Variants in PSMG2 observed in about 807,000 individuals in gnomAD.
The protein encoded by PSMG2 is CD40 ligand-activated specific transcript 3.
Under a neutral mutation model 31.5 loss-of-function variants are expected in PSMG2, and 21 were observed. That is an observed-to-expected ratio of 0.67 (90% CI 0.47 to 0.96). The LOEUF is 0.96. Among genes scored for constraint, PSMG2 ranks in the 40% least tolerant of loss-of-function variants. The probability of loss-of-function intolerance (pLI) is 0.00; values close to 1 mark genes in which losing one functional copy is unlikely to be tolerated. For missense variants in PSMG2, 318 were observed against 321.2 expected, an observed-to-expected ratio of 0.99 and a Z score of 0.08; for synonymous variants, 120 against 110.4, an observed-to-expected ratio of 1.09 and a Z score of -0.54.
intron 1 of PSMG2, among the ~76,000 whole-genome samples, chr18:12,706,081 C>T (rs191239195): frequency 9.2e-5 from 14 of 152,276 alleles, no homozygotes; most frequent in Admixed American, 4.6e-4. Flanking sequence ...GTGGAGGAGG[C>T]CCCAGCAGTT....
rs1289805505 is a variant in PSMG2 at position 12,686,562 on chromosome 18, C to T, written c.-36-19988C>T. 3 of 770,550 alleles carry T rather than the reference C, an allele frequency of 3.9e-6. No individual in the cohort carries two copies. The East Asian group carries it at 7.9e-5, about 20-fold the overall frequency. The allele number at this position is 770,550 out of a possible 1,614,324, so 47.7% of individuals were successfully genotyped here. A position where few individuals can be genotyped will look rare whatever the true frequency, so the allele number is the denominator to read the frequency against. On this transcript the variant is annotated intron_variant, in intron 1 of 6. Coordinates refer to the PSMG2 transcript ENST00000585331. ...AATTCAGCATACCATTGATCGAGTG[C>T]TTACCTTGTATCCAGTATTTGGCTG...
chr18:12,703,009 G>A (rs185483903), upstream of PSMG2: 10 of 1,386,874 alleles, frequency 7.2e-6, no homozygotes, highest in Admixed American at 4.5e-5. Context: ...GGACCCTCCC[G>A]CGCCCCGCGA....
At chr18:12,710,338 A>ATAGG (rs2040316923) in intron 2 of PSMG2, among the ~76,000 whole-genome samples, 1 of 152,184 alleles carries the variant, frequency 6.6e-6, no homozygotes, top group South Asian at 2.1e-4. Context: ...TGTTGCTGTG[A>ATAGG]TAGGGGCACT....
intron 5 of PSMG2, among the ~76,000 whole-genome samples, chr18:12,723,199 CTG>C (rs1025313450): frequency 9.9e-5 from 15 of 152,274 alleles, no homozygotes; most frequent in Admixed American, 8.5e-4. Flanking sequence ...GCTCTCTTCT[CTG>C]TCAGTCTCGT....
chr18:12,672,800 T>C, intron 1 of PSMG2: 1 of 983,204 alleles, frequency 1.0e-6, no homozygotes, highest in Non-Finnish European at 1.2e-6. Flanking sequence ...TATTAGTTTT[T>C]TCCTACTCTT....
intron 1 of PSMG2, among the ~76,000 whole-genome samples, chr18:12,664,819 C>A (rs980916902): frequency 1.3e-5 from 2 of 151,724 alleles, no homozygotes; most frequent in South Asian, 4.2e-4. Flanking sequence ...CTGCCTCAGC[C>A]TCCTGAGTAG....
At chr18:12,666,868 A>G (rs1242993312) in intron 1 of PSMG2, among the ~76,000 whole-genome samples, 5 of 152,306 alleles carry the variant, frequency 3.3e-5, no homozygotes, top group African/African-American at 1.2e-4. Context: ...ATTCCAATTT[A>G]ACATCTTTAA....
chr18:12,720,415 G>C (rs537826483), intron 4 of PSMG2, 95 bp from the exon 5 acceptor site: 1 of 1,021,296 alleles, frequency 9.8e-7, no homozygotes, highest in South Asian at 2.2e-5. Flanking sequence ...TGTTTTGCCT[G>C]TGCAGCAGAA....
At chr18:12,678,179 G>A in intron 1 of PSMG2, 1 of 1,614,186 alleles carries the variant, frequency 6.2e-7, no homozygotes, top group Non-Finnish European at 8.5e-7. Context: ...CGCGTCAATT[G>A]TGGATGCACA....
At chr18:12,688,873 G>A (rs941807182) in intron 1 of PSMG2, among the ~76,000 whole-genome samples, 3 of 152,158 alleles carry the variant, frequency 2.0e-5, no homozygotes, top group African/African-American at 7.2e-5. Flanking sequence ...CCAGCACTTT[G>A]GGAGGCCGAG....
At chr18:12,724,385 G>C (rs1473076896) in intron 5 of PSMG2, 114 bp from the exon 6 acceptor site, 2 of 1,057,794 alleles carry the variant, frequency 1.9e-6, no homozygotes, top group Non-Finnish European at 2.6e-6. Flanking sequence ...TTATGGTGTG[G>C]CGTCTTTTCC....
At chr18:12,671,043 G>A (rs1375167007) in intron 1 of PSMG2, 1 of 151,492 alleles carries the variant, frequency 6.6e-6, no homozygotes, top group Non-Finnish European at 1.5e-5. Flanking sequence ...TGTAGAAGAG[G>A]GATCATAATA....
intron 4 of PSMG2, among the ~76,000 whole-genome samples, chr18:12,719,662 C>T (rs1185790822): frequency 6.7e-6 from 1 of 149,552 alleles, no homozygotes; most frequent in Non-Finnish European, 1.5e-5. Flanking sequence ...GCTGGGATTA[C>T]AGGCATGAGT....
intron 1 of PSMG2, among the ~76,000 whole-genome samples, chr18:12,690,494 T>C (rs1432911735): frequency 1.3e-5 from 2 of 151,952 alleles, no homozygotes; most frequent in African/African-American, 4.8e-5. Flanking sequence ...CTTGCTGTGT[T>C]GCCCAGGCCG....
At chr18:12,714,695 A>G (rs1273432829) in intron 3 of PSMG2, among the ~76,000 whole-genome samples, 2 of 150,938 alleles carry the variant, frequency 1.3e-5, no homozygotes, top group Non-Finnish European at 2.9e-5. Context: ...GGGTTTCGCC[A>G]TGTTGCCCAG....
At chr18:12,719,249 T>C (rs1044237519) in intron 4 of PSMG2, among the ~76,000 whole-genome samples, 1 of 152,066 alleles carries the variant, frequency 6.6e-6, no homozygotes, top group Non-Finnish European at 1.5e-5. Flanking sequence ...TCCACTTGCC[T>C]AAAGGGTAGC....
intron 1 of PSMG2, among the ~76,000 whole-genome samples, chr18:12,669,981 G>A (rs1312393754): frequency 2.2e-4 from 25 of 113,662 alleles, no homozygotes; most frequent in African/African-American, 6.1e-4. Context: ...TGGGCAACAA[G>A]AGCCAAACTG....
Position 12,703,226 on chromosome 18 carries a change from G to A in PSMG2, c.57+62G>A, listed in dbSNP as rs970154876. ...GAGGCCCCTGCGGTGTCGCCACCCC[G>A]ACGCGGGGTGTTTGGCGGTGCCTTG... On this transcript the variant is annotated intron_variant, in intron 1 of 6. Transcript: ENST00000317615. 9.9e-6 allele frequency: 15 copies of A among 1,516,998 alleles called. No individual in the cohort carries two copies. In the African/African-American group the frequency reaches 2.1e-4, roughly 21 times the overall value. The allele number at this position is 1,516,998 out of a possible 1,614,324, so 94.0% of individuals were successfully genotyped here.
At chr18:12,690,379 G>C (rs1015485717) in intron 1 of PSMG2, among the ~76,000 whole-genome samples, 4 of 152,032 alleles carry the variant, frequency 2.6e-5, no homozygotes, top group African/African-American at 4.8e-5. Context: ...GAAAGCATCT[G>C]TATGAGGCTG....
Sources: allele counts gnomAD v4.1 joint callset (sites outside exome capture counted in the v4.1 genomes callset), GRCh38; gene constraint gnomAD v4.1.1; transcripts MANE v1.5; gene names NCBI Gene and HGNC (gene_info 2026-07-23, HGNC 2026-07-21).